Variants in PTPRM observed in about 807,000 individuals in gnomAD.
PTPRM encodes protein tyrosine phosphatase receptor type M, also known as receptor-type tyrosine-protein phosphatase mu.
Under a neutral mutation model 186.7 loss-of-function variants are expected in PTPRM, and 47 were observed. The observed-to-expected ratio is 0.25, with a 90% CI of 0.20 to 0.32. The LOEUF is 0.32. PTPRM is among the 10% of genes least tolerant of loss of function. PTPRM has a pLI of 1.00. For synonymous variants in PTPRM, 668 were observed against 674.9 expected (o/e 0.99, Z 0.16); for missense variants, 1,494 against 1,865.0 (o/e 0.80, Z 3.66).
chr18:8,209,533 G>A (rs534788885), intron 14 of PTPRM, among the ~76,000 whole-genome samples: 1 of 152,122 alleles, frequency 6.6e-6, no homozygotes, highest in African/African-American at 2.4e-5. Flanking sequence ...TTTGTTTGGG[G>A]ACTGAGAAAT....
At chr18:7,863,413 T>C (rs2047498690) in intron 2 of PTPRM, among the ~76,000 whole-genome samples, 1 of 152,042 alleles carries the variant, frequency 6.6e-6, no homozygotes, top group Non-Finnish European at 1.5e-5. Flanking sequence ...TGTGTTCTCA[T>C]CGTTCGACTC....
intron 1 of PTPRM, among the ~76,000 whole-genome samples, chr18:7,613,204 A>G (rs912279885): frequency 6.6e-6 from 1 of 152,094 alleles, no homozygotes; most frequent in Admixed American, 6.5e-5. Context: ...GCATCCAACA[A>G]TCCTGTAAGG....
chr18:7,802,978 G>A (rs866557161), intron 2 of PTPRM, among the ~76,000 whole-genome samples: 11 of 152,220 alleles, frequency 7.2e-5, no homozygotes, highest in African/African-American at 1.7e-4. Context: ...AGAGTGTTAC[G>A]GAAGCATGGA....
intron 14 of PTPRM, among the ~76,000 whole-genome samples, chr18:8,216,844 A>G (rs1381845646): frequency 1.3e-5 from 2 of 152,246 alleles, no homozygotes; most frequent in Non-Finnish European, 2.9e-5. Context: ...AGAGTAATCA[A>G]GTAACTCGTC....
Position 7,930,973 on chromosome 18 carries a change from TG to T in PTPRM, c.663+4291del, listed in dbSNP as rs569439326. Among the ~76,000 whole-genome samples the T allele has an allele frequency of 4.8e-3, 726 of 152,172 alleles. 4 individuals are homozygous for T. Among genetic ancestry groups the T allele is most frequent in the Non-Finnish European group, 7.3e-3 (493 of 67,998 alleles). On this transcript the variant is annotated intron_variant, in intron 5 of 32. Coordinates refer to ENST00000580170, the MANE Select transcript of PTPRM (RefSeq NM_001105244.2). The stretch of plus-strand genomic sequence containing the variant: ...AGTGGGATTGTTTTCTCTAGAACAC[TG>T]AACAATAGAATAAGACCCAGTGTGT...
At chr18:8,091,272 C>T (rs2090709701) in intron 11 of PTPRM, among the ~76,000 whole-genome samples, 1 of 152,178 alleles carries the variant, frequency 6.6e-6, no homozygotes, top group Admixed American at 6.5e-5. Flanking sequence ...AAGTTCAACA[C>T]TGCTGTGCTT....
At chr18:7,716,169 A>G (rs1369666505) in intron 1 of PTPRM, among the ~76,000 whole-genome samples, 1 of 152,150 alleles carries the variant, frequency 6.6e-6, no homozygotes, top group Non-Finnish European at 1.5e-5. Flanking sequence ...AGATATATAG[A>G]CCAATGGAAC....
At chr18:7,684,131 A>G (rs180959294) in intron 1 of PTPRM, among the ~76,000 whole-genome samples, 6 of 151,810 alleles carry the variant, frequency 4.0e-5, no homozygotes, top group Admixed American at 3.3e-4. Flanking sequence ...AGAATCTCCT[A>G]TTCTGTTTTT....
intron 2 of PTPRM, among the ~76,000 whole-genome samples, chr18:7,868,702 G>A (rs2047836701): frequency 6.6e-6 from 1 of 152,240 alleles, no homozygotes; most frequent in South Asian, 2.1e-4. Flanking sequence ...GAGGTAGTCT[G>A]TCCCTTAGCA....
intron 7 of PTPRM, among the ~76,000 whole-genome samples, chr18:8,023,986 C>A (rs1040260624): frequency 2.6e-5 from 4 of 152,070 alleles, no homozygotes; most frequent in African/African-American, 9.7e-5. Flanking sequence ...ACTCACGTAA[C>A]TGCTTCAAAT....
chr18:8,245,316 C>G (rs2094467718), intron 15 of PTPRM, among the ~76,000 whole-genome samples: 1 of 152,172 alleles, frequency 6.6e-6, no homozygotes, highest in Non-Finnish European at 1.5e-5. Context: ...CTTCATCCTC[C>G]TCCATCAGTT....
At chr18:7,965,791 C>T (rs941082375) in intron 7 of PTPRM, among the ~76,000 whole-genome samples, 9 of 152,170 alleles carry the variant, frequency 5.9e-5, no homozygotes, top group Admixed American at 1.3e-4. Context: ...ATCCATGCTC[C>T]TCTCAGCACA....
intron 22 of PTPRM, among the ~76,000 whole-genome samples, chr18:8,322,656 T>A (rs1319977234): frequency 6.6e-6 from 1 of 152,124 alleles, no homozygotes; most frequent in African/African-American, 2.4e-5. Context: ...TGCAAGTGGG[T>A]AGGATTGCCC....
At chr18:7,857,944 T>C (rs1413542604) in intron 2 of PTPRM, among the ~76,000 whole-genome samples, 1 of 152,202 alleles carries the variant, frequency 6.6e-6, no homozygotes, top group Non-Finnish European at 1.5e-5. Flanking sequence ...CTTACTTTAA[T>C]GGCTTTCTTC....
At chr18:8,234,069 CT>C (rs1015264117) in intron 14 of PTPRM, among the ~76,000 whole-genome samples, 5 of 152,258 alleles carry the variant, frequency 3.3e-5, no homozygotes, top group Admixed American at 3.3e-4. Flanking sequence ...AATCTTCCAA[CT>C]TTTTTCTAAT....
At position 7,933,315 on chromosome 18, in the gene PTPRM, A is replaced by G. The variant is rs116421235; in HGVS notation, c.663+6632A>G. 3.9e-3 allele frequency among the ~76,000 whole-genome samples: 591 copies of G among 152,198 alleles called. 3 individuals are homozygous for G. The highest frequency in any genetic ancestry group is 0.014 in the African/African-American group (567 of 41,528). The stretch of plus-strand genomic sequence containing the variant: ...AAAAAAATTGTATGCACTGCTTGCT[A>G]AGATCTACAGTAAGAAAGAATCTTC... On this transcript the variant is annotated intron_variant, in intron 5 of 32. Transcript: ENST00000580170.
At chr18:8,213,632 G>A (rs2094037347) in intron 14 of PTPRM, among the ~76,000 whole-genome samples, 1 of 152,124 alleles carries the variant, frequency 6.6e-6, no homozygotes, top group African/African-American at 2.4e-5. Flanking sequence ...TTCATGAAGG[G>A]CACATGAAAG....
At chr18:7,879,102 G>A (rs2048374697) in intron 2 of PTPRM, among the ~76,000 whole-genome samples, 1 of 152,216 alleles carries the variant, frequency 6.6e-6, no homozygotes, top group African/African-American at 2.4e-5. Flanking sequence ...GAAGCAGTTT[G>A]TCTAAATGAC....
intron 1 of PTPRM, among the ~76,000 whole-genome samples, chr18:7,658,328 ATT>A (rs1491108175): frequency 1.2e-4 from 12 of 99,406 alleles, no homozygotes; most frequent in African/African-American, 7.4e-4. Context: ...ATTAAAGTAA[ATT>A]TATATATATA....
Sources: gnomAD v4.1 joint callset for allele counts (sites outside exome capture counted in the v4.1 genomes callset) on GRCh38, gnomAD v4.1.1 for gene constraint, MANE v1.5 for transcripts, NCBI Gene and HGNC (gene_info 2026-07-23, HGNC 2026-07-21) for gene names.